LNX2: variants seen among roughly 807,000 people sequenced by gnomAD.
LNX2 encodes the protein ligand of Numb protein X 2.
A neutral mutation model predicts 66.2 loss-of-function variants in LNX2; 35 were observed. That is an observed-to-expected ratio of 0.53 (90% CI 0.40 to 0.70). The LOEUF (loss-of-function observed/expected upper bound fraction) is 0.70, where lower values mean the gene tolerates loss of function less well. Ranked by LOEUF, LNX2 falls within the 30% of genes least tolerant of loss-of-function variation. The pLI is 0.00. For synonymous variants in LNX2, 337 were observed against 315.6 expected (o/e 1.07, Z -0.72); for missense variants, 791 against 850.8 (o/e 0.93, Z 0.87).
chr13:27,589,199 C>T lies in LNX2; in HGVS notation c.-100-7396G>A, dbSNP rs375042365. Among the ~76,000 whole-genome samples, 24 of 152,248 alleles carry T rather than the reference C, an allele frequency of 1.6e-4. No homozygotes were observed. The East Asian group carries it at 2.1e-3, about 13-fold the overall frequency. On this transcript the variant is annotated intron_variant, in intron 1 of 9. Transcript: ENST00000316334. ...CCTTGCTATAGGAGTCTGTCTTTCC[C>T]GGAATAAAGTTCTTTCCCCAGAGCC...
chr13:27,575,448 C>A (rs912591594), intron 2 of LNX2, among the ~76,000 whole-genome samples: 1 of 152,150 alleles, frequency 6.6e-6, no homozygotes, highest in African/African-American at 2.4e-5. Flanking sequence ...TTGCCCTCCC[C>A]AATGTGGTTG....
intron 7 of LNX2, among the ~76,000 whole-genome samples, chr13:27,555,608 C>T (rs1254656845): frequency 6.6e-6 from 1 of 152,148 alleles, no homozygotes; most frequent in Non-Finnish European, 1.5e-5. Context: ...AGAATTTCAG[C>T]TCTTATATTT....
chr13:27,582,683 T>C (rs927835980), intron 1 of LNX2, among the ~76,000 whole-genome samples: 1 of 151,398 alleles, frequency 6.6e-6, no homozygotes, highest in African/African-American at 2.4e-5. Context: ...TAAGTGGGAG[T>C]TGAACAATGA....
At position 27,562,705 on chromosome 13, in the gene LNX2, T is replaced by C. The variant is rs200677680; in HGVS notation, c.932A>G (p.His311Arg). 3.1e-6 allele frequency: 5 copies of C among 1,614,162 alleles called. No individual in the cohort carries two copies. Among genetic ancestry groups the C allele is most frequent in the Non-Finnish European group, 2.5e-6 (3 of 1,180,006 alleles). ...GCGCCTCTCTCGAAGCACAGTAAGA[T>C]GCAGTGTGTTGCAGGGCTGGGAAAG... ...AVLSQPCNTL[H>R]LTVLRERRFG... is the part of the protein sequence containing the mutation. Residue 311 changes from histidine (H) to arginine (R), a missense_variant, in exon 5 of 10, where the codon CAT becomes CGT. Transcript: ENST00000316334.
At position 27,546,722 on chromosome 13, in the gene LNX2, AATACC is replaced by A. The variant is rs1954943802; in HGVS notation, c.*1608_*1612del. Reference sequence around the variant, plus strand: ...TTCTGAAATACATTCTCTGATTATCAATACCATTTATTACAGAGGTCACTTGTAAA... The same window carrying A: ...TTCTGAAATACATTCTCTGATTATCAATTTATTACAGAGGTCACTTGTAAA... On this transcript the variant is annotated 3_prime_UTR_variant, in exon 10 of 10. Coordinates refer to ENST00000316334, the MANE Select transcript of LNX2 (RefSeq NM_153371.4). 1 of 152,210 alleles carries A rather than the reference AATACC, an allele frequency of 6.6e-6. No homozygotes were observed. The highest frequency in any genetic ancestry group is 2.1e-4 in the South Asian group (1 of 4,834). The allele number at this position is 152,210 out of a possible 1,614,324, so 9.4% of individuals were successfully genotyped here.
rs1172796543 is a variant in LNX2 at position 27,547,911 on chromosome 13, G to C, written c.*424C>G. On this transcript the variant is annotated 3_prime_UTR_variant, in exon 10 of 10. Coordinates refer to ENST00000316334, the MANE Select transcript of LNX2 (RefSeq NM_153371.4). ...TTAAAGTATATTCATTCATGGTATT[G>C]GTTATGACAGTGGCAGTACACGCTG... 1 of 167,014 alleles carries C rather than the reference G, an allele frequency of 6.0e-6. No individual in the cohort carries two copies. Among genetic ancestry groups the C allele is most frequent in the Non-Finnish European group, 1.3e-5 (1 of 76,402 alleles). 10.3% of individuals were successfully genotyped at this position (167,014 alleles called of 1,614,324 possible). A position where few individuals can be genotyped will look rare whatever the true frequency, so the allele number is the denominator to read the frequency against.
Position 27,559,970 on chromosome 13 carries a change from C to T in LNX2, c.1240G>A (p.Val414Met). 1 of 1,606,498 alleles carries T rather than the reference C, an allele frequency of 6.2e-7. No individual in the cohort carries two copies. The highest frequency in any genetic ancestry group is 8.5e-7 in the Non-Finnish European group (1 of 1,176,356). The change falls in exon 6 of 10, where the codon GTG becomes ATG. Residue 414 changes from valine (V) to methionine (M), a missense_variant. Val to Met is a conservative substitution (Grantham distance 21). Coordinates refer to ENST00000316334, the MANE Select transcript of LNX2 (RefSeq NM_153371.4). ...CCTGGTCTAGCAATTGTTAAATTCACTCTCTCTCCACTGGCCTGGAGAAAA... is the reference window on the plus strand; with the variant it reads ...CCTGGTCTAGCAATTGTTAAATTCATTCTCTCTCCACTGGCCTGGAGAAAA... ...AQIIQASGER[V>M]NLTIARPGKP...
chr13:27,559,751 G>A (rs752823009), intron 6 of LNX2, 91 bp downstream of exon 6: 326 of 1,285,182 alleles, frequency 2.5e-4, no homozygotes, highest in Non-Finnish European at 3.3e-4. Context: ...ATTGAGGTGT[G>A]ACTGACACAC....
At chr13:27,553,505 T>C in intron 7 of LNX2, 66 bp from the exon 8 acceptor site, 1 of 1,234,646 alleles carries the variant, frequency 8.1e-7, no homozygotes, top group Non-Finnish European at 1.2e-6. Context: ...AATCTTGTTG[T>C]TTATAAACTA....
At chr13:27,551,716 T>A (rs569675188) in intron 8 of LNX2, among the ~76,000 whole-genome samples, 1 of 152,232 alleles carries the variant, frequency 6.6e-6, no homozygotes, top group Admixed American at 6.5e-5. Context: ...CTTCTCATCT[T>A]ATCTAGTTTC....
rs1955148785 is a variant in LNX2 at position 27,562,597 on chromosome 13, G to C, written c.1040C>G (p.Ser347Cys). ...CAATTTAATGCCAAGCTGTTCACCA[G>C]AGTCCCGTTTATGAAGAGCCACTTG... ...IFQVALHKRDSGEQLGIKLVR... is the reference protein window; with the variant it reads ...IFQVALHKRDCGEQLGIKLVR... The change falls in exon 5 of 10, where the codon TCT (serine) becomes TGT (cysteine). Residue 347 changes from serine (S) to cysteine (C), a missense_variant. Ser to Cys is a moderately radical substitution (Grantham distance 112, BLOSUM62 -1). Transcript: ENST00000316334. 1 of 1,614,152 alleles carries C rather than the reference G, an allele frequency of 6.2e-7. No homozygotes were observed. Among genetic ancestry groups the C allele is most frequent in the East Asian group, 2.2e-5 (1 of 44,866 alleles).
chr13:27,561,124 T>C (rs1470203184), intron 5 of LNX2, among the ~76,000 whole-genome samples: 2 of 152,206 alleles, frequency 1.3e-5, no homozygotes, highest in African/African-American at 4.8e-5. Flanking sequence ...ATTTATAACA[T>C]CCAAATATAA....
chr13:27,574,944 G>A (rs1190399988), intron 2 of LNX2, among the ~76,000 whole-genome samples: 1 of 152,040 alleles, frequency 6.6e-6, no homozygotes, highest in Non-Finnish European at 1.5e-5. Flanking sequence ...GAGAAGGGGA[G>A]AAAACTCTCA....
intron 6 of LNX2, among the ~76,000 whole-genome samples, chr13:27,558,084 A>G (rs990036061): frequency 6.6e-6 from 1 of 151,324 alleles, no homozygotes; most frequent in Non-Finnish European, 1.5e-5. Context: ...TAAAACAAAC[A>G]TGAATGTTTA....
At chr13:27,620,199 C>A (rs986131766) in intron 1 of LNX2, among the ~76,000 whole-genome samples, 176 bp downstream of exon 1, 2 of 151,966 alleles carry the variant, frequency 1.3e-5, no homozygotes, top group Non-Finnish European at 2.9e-5. Context: ...GCCCCGCAGC[C>A]CGGGCGAGCG....
At chr13:27,595,680 T>C (rs764741731) in intron 1 of LNX2, among the ~76,000 whole-genome samples, 5 of 152,220 alleles carry the variant, frequency 3.3e-5, no homozygotes, top group Non-Finnish European at 7.3e-5. Context: ...TGTCCACCTG[T>C]AAACCCGAAA....
chr13:27,575,032 T>G (rs570115648), intron 2 of LNX2, among the ~76,000 whole-genome samples: 2 of 152,312 alleles, frequency 1.3e-5, no homozygotes, highest in Non-Finnish European at 2.9e-5. Flanking sequence ...AAAATGTTTG[T>G]TGGTAGCATG....
In LNX2 at chr13:27,583,208, GT is replaced by G. The variant is rs1955426313; in HGVS notation, c.-100-1406del. Among the ~76,000 whole-genome samples, 5 of 18,076 alleles carry G rather than the reference GT, an allele frequency of 2.8e-4. 1 individual carries two copies. The highest frequency in any genetic ancestry group is 4.8e-4 in the Admixed American group (1 of 2,104). The allele number at this position is 18,076 out of a possible 152,430, so 11.9% of individuals were successfully genotyped here. ...TGTGTGTGTGTGTGTGTGTGTGTGT[GT>G]GTGTGTGTGTGTGTGTGTGTGTGTG... On this transcript the variant is annotated intron_variant, in intron 1 of 9. Transcript: ENST00000316334.
At position 27,608,596 on chromosome 13, in the gene LNX2, A is replaced by G. The variant is rs1007152795; in HGVS notation, c.-101+11779T>C. 2.0e-5 allele frequency among the ~76,000 whole-genome samples: 3 copies of G among 152,226 alleles called. No homozygotes were observed. In the South Asian group the frequency reaches 6.2e-4, roughly 32 times the overall value. ...TCCCTTATATCTTCATGTAGTTTAT[A>G]ATGTATACAATAAGGTAAATCAAAC... On this transcript the variant is annotated intron_variant, in intron 1 of 9. Transcript: ENST00000316334.
Sources: allele counts gnomAD v4.1 joint callset (sites outside exome capture counted in the v4.1 genomes callset), GRCh38; gene constraint gnomAD v4.1.1; transcripts MANE v1.5; gene names NCBI Gene and HGNC (gene_info 2026-07-23, HGNC 2026-07-21).